RANBP10: variants seen among roughly 807,000 people sequenced by gnomAD.
The protein encoded by RANBP10 is RAN binding protein 10.
Under a neutral mutation model 72.8 loss-of-function variants are expected in RANBP10, and 24 were observed. The ratio of observed to expected loss-of-function variants is 0.33; its 90% CI spans 0.24 to 0.46. The LOEUF (loss-of-function observed/expected upper bound fraction) is 0.46. Among genes scored for constraint, RANBP10 ranks in the 20% least tolerant of loss-of-function variants. The pLI, the probability that RANBP10 is intolerant of heterozygous loss-of-function variation, is 1.00. For missense variants in RANBP10, 679 were observed against 817.5 expected, an observed-to-expected ratio of 0.83 and a Z score of 2.07; for synonymous variants, 310 against 322.3, an observed-to-expected ratio of 0.96 and a Z score of 0.41.
chr16:67,806,309 G>A lies in RANBP10; in HGVS notation c.228C>T (p.His76=). The change falls in exon 1 of 14, where the codon CAC becomes CAT. Residue 76 remains histidine (H), a synonymous_variant. Transcript: ENST00000317506. ...IGLSQGNLRV[H]YKGHGKNHKD... ...AGCCTGACGGGCCGATACCTTTGTA[G>A]TGGACGCGGAGGTTGCCCTGGGAGA... 6.2e-7 allele frequency: 1 copy of A among 1,611,956 alleles called. No homozygotes were observed.
intron 3 of RANBP10, among the ~76,000 whole-genome samples, chr16:67,745,312 A>G (rs1597849131): frequency 6.6e-6 from 1 of 151,058 alleles, no homozygotes; most frequent in East Asian, 2.0e-4. Context: ...GTTTACATAT[A>G]GTAAGATTCT....
Position 67,723,262 on chromosome 16 carries a change from T to A in RANBP10, c.*3166A>T, listed in dbSNP as rs1181315056. The A allele has an allele frequency of 3.3e-5, 5 of 152,624 alleles. No individual in the cohort carries two copies. The highest frequency in any genetic ancestry group is 5.9e-5 in the Non-Finnish European group (4 of 68,038). 9.5% of individuals were successfully genotyped at this position (152,624 alleles called of 1,614,324 possible). A position where few individuals can be genotyped will look rare whatever the true frequency, so the allele number is the denominator to read the frequency against. On this transcript the variant is annotated 3_prime_UTR_variant, in exon 14 of 14. Transcript: ENST00000317506. Reference sequence around the variant, plus strand: ...AAAGGCAAAACCAGTGTGCACAATGTGGAGGATGTCTGTTGCAGCTGTAGT... The same window carrying A: ...AAAGGCAAAACCAGTGTGCACAATGAGGAGGATGTCTGTTGCAGCTGTAGT...
At chr16:67,793,119 TGA>T (rs1324086377) in intron 2 of RANBP10, among the ~76,000 whole-genome samples, 1 of 152,066 alleles carries the variant, frequency 6.6e-6, no homozygotes, top group East Asian at 1.9e-4. Flanking sequence ...CAGCTTAATT[TGA>T]GAGAGTTCCC....
At chr16:67,741,257 C>T (rs756281836) in intron 4 of RANBP10, among the ~76,000 whole-genome samples, 6 of 152,174 alleles carry the variant, frequency 3.9e-5, no homozygotes, top group Non-Finnish European at 8.8e-5. Context: ...AGGGGATGAC[C>T]TACCCAGGCT....
At chr16:67,802,094 CAAAA>C (rs11349499) in intron 2 of RANBP10, among the ~76,000 whole-genome samples, 1 of 121,462 alleles carries the variant, frequency 8.2e-6, no homozygotes, top group Admixed American at 8.7e-5. Flanking sequence ...GACCCTGCCT[CAAAA>C]AAAAAAAAAA....
At chr16:67,738,121 G>A (rs1371986217) in intron 4 of RANBP10, 86 bp from the exon 5 acceptor site, 12 of 1,397,042 alleles carry the variant, frequency 8.6e-6, no homozygotes, top group Middle Eastern at 1.8e-4. Flanking sequence ...TGCTAGGGCC[G>A]GGTAGTTGTT....
In RANBP10 at chr16:67,727,478, C is replaced by T. The variant is rs146654669; in HGVS notation, c.1621-40G>A. ...ATTCTTGAGAGGACTGTGGCACACA[C>T]CATAGCTCACCCTGCTACCCGTGGC... is the stretch of plus-strand genomic sequence containing the variant. On this transcript the variant is annotated intron_variant, in intron 12 of 13. Coordinates refer to ENST00000317506, the MANE Select transcript of RANBP10 (RefSeq NM_020850.3). 259 of 1,556,926 alleles carry T rather than the reference C, an allele frequency of 1.7e-4. 3 individuals carry two copies. The African/African-American group carries it at 2.9e-3, about 17-fold the overall frequency.
At position 67,726,221 on chromosome 16, in the gene RANBP10, CACGTG is replaced by C. The variant is rs1403941885; in HGVS notation, c.*202_*206del. ...GCCAATACTGTGTTACAGGCCGCTG[CACGTG>C]AAGGGGAGAGAGAGAGAGACTGAGC... On this transcript the variant is annotated 3_prime_UTR_variant, in exon 14 of 14. Transcript: ENST00000317506. The C allele has an allele frequency of 1.6e-6, 1 of 639,784 alleles. No homozygotes were observed. Among genetic ancestry groups the C allele is most frequent in the Non-Finnish European group, 2.6e-6 (1 of 387,340 alleles). The allele number at this position is 639,784 out of a possible 1,614,324, so 39.6% of individuals were successfully genotyped here. A position where few individuals can be genotyped will look rare whatever the true frequency, so the allele number is the denominator to read the frequency against.
In RANBP10 at chr16:67,734,889, G is replaced by A. The variant is rs368732137; in HGVS notation, c.745C>T (p.Arg249Trp). Residue 249 changes from arginine (R) to tryptophan (W), a missense_variant, in exon 6 of 14, where the codon CGG becomes TGG. Physicochemically the swap from Arg to Trp is moderately radical, Grantham distance 101. Transcript: ENST00000317506. ...AGCACTGCCTGCCACTCGCCAAGCC[G>A]GGCACTGATGGGGAAGCAGTGGACC... ...GTVHCFPISA[R>W]LGEWQAVLQN... The A allele has an allele frequency of 1.7e-5, 28 of 1,608,938 alleles. No individual in the cohort carries two copies. The highest frequency in any genetic ancestry group is 8.0e-5 in the African/African-American group (6 of 74,852).
At chr16:67,774,685 A>G (rs539914442) in intron 2 of RANBP10, among the ~76,000 whole-genome samples, 1 of 152,346 alleles carries the variant, frequency 6.6e-6, no homozygotes, top group South Asian at 2.1e-4. Context: ...ACAGGAGCCC[A>G]GGTTGCATAT....
intron 3 of RANBP10, among the ~76,000 whole-genome samples, chr16:67,757,758 C>T (rs2054315020): frequency 6.6e-6 from 1 of 152,202 alleles, no homozygotes; most frequent in African/African-American, 2.4e-5. Flanking sequence ...TGTCACAGCA[C>T]TCCCATGGCT....
chr16:67,758,243 C>T (rs2054327583), intron 3 of RANBP10, among the ~76,000 whole-genome samples: 1 of 152,184 alleles, frequency 6.6e-6, no homozygotes. Flanking sequence ...AACACCTTGT[C>T]CCGACAGGAC....
chr16:67,768,592 G>A lies in RANBP10; in HGVS notation c.400+3442C>T, dbSNP rs185843065. ...CTAGCTGAGCATGGTGGCATGTGCC[G>A]GTAGTCCCAGCTACTTCGGGGGCTG... On this transcript the variant is annotated intron_variant, in intron 3 of 13. Transcript: ENST00000317506. 2.0e-3 allele frequency among the ~76,000 whole-genome samples: 307 copies of A among 151,858 alleles called. 1 individual carries two copies. The highest frequency in any genetic ancestry group is 3.2e-3 in the Non-Finnish European group (214 of 67,902).
intron 3 of RANBP10, among the ~76,000 whole-genome samples, chr16:67,761,791 G>A (rs959837960): frequency 2.6e-5 from 4 of 152,096 alleles, no homozygotes; most frequent in Admixed American, 2.0e-4. Flanking sequence ...GACTGGTCTC[G>A]AACTCCTGAC....
chr16:67,733,053 CAA>C (rs770521202), intron 6 of RANBP10, among the ~76,000 whole-genome samples: 17 of 43,776 alleles, frequency 3.9e-4, no homozygotes, highest in African/African-American at 2.7e-4. Context: ...GACTCCATCT[CAA>C]AAAAAAAAAA....
intron 2 of RANBP10, among the ~76,000 whole-genome samples, chr16:67,777,000 A>C (rs1340612895): frequency 2.0e-5 from 3 of 151,288 alleles, no homozygotes; most frequent in South Asian, 2.1e-4. Flanking sequence ...TCACGAGGTC[A>C]GGAGTTCAAG....
At position 67,727,821 on chromosome 16, in the gene RANBP10, T is replaced by C. The variant is rs755049123; in HGVS notation, c.1550A>G (p.Glu517Gly). Residue 517 changes from glutamate to glycine, a missense_variant, in exon 12 of 14, where the codon GAG (glutamate) becomes GGG (glycine). Coordinates refer to ENST00000317506, the MANE Select transcript of RANBP10 (RefSeq NM_020850.3). ...ATERIILFGR[E>G]LQALSEQLGR... ...CAACTGCTCACTCAATGCCTGCAAC[T>C]CGCGGCCAAACAGAATGATCCTTTC... 1 of 1,614,168 alleles carries C rather than the reference T, an allele frequency of 6.2e-7. No homozygotes were observed. The highest frequency in any genetic ancestry group is 1.1e-5 in the South Asian group (1 of 91,086).
chr16:67,793,095 A>G (rs940538258), intron 2 of RANBP10, among the ~76,000 whole-genome samples: 26 of 152,086 alleles, frequency 1.7e-4, no homozygotes, highest in African/African-American at 6.3e-4. Flanking sequence ...CGGAGGGTGT[A>G]GCCACTAATG....
chr16:67,743,185 G>A (rs2054002206), intron 4 of RANBP10, among the ~76,000 whole-genome samples: 1 of 152,254 alleles, frequency 6.6e-6, no homozygotes, highest in African/African-American at 2.4e-5. Flanking sequence ...GGGATGTGGA[G>A]AGTTGCAGCC....
Sources: allele counts gnomAD v4.1 joint callset (sites outside exome capture counted in the v4.1 genomes callset), GRCh38; gene constraint gnomAD v4.1.1; transcripts MANE v1.5; gene names NCBI Gene and HGNC (gene_info 2026-07-23, HGNC 2026-07-21).